The following PRMT2 variants were observed in gnomAD, a reference collection of about 807,000 sequenced individuals.
PRMT2 encodes the protein protein arginine N-methyltransferase 2.
Under a neutral mutation model 57.6 loss-of-function variants are expected in PRMT2, and 26 were observed. The observed-to-expected ratio is 0.45, with a 90% CI of 0.33 to 0.63. The LOEUF (loss-of-function observed/expected upper bound fraction) is 0.63, where lower values mean the gene tolerates loss of function less well. Among genes scored for constraint, PRMT2 ranks in the 20% least tolerant of loss-of-function variants. The pLI is 0.02. For synonymous variants in PRMT2, 219 were observed against 220.0 expected, an observed-to-expected ratio of 1.00 and a Z score of 0.04; for missense variants, 472 against 564.4, an observed-to-expected ratio of 0.84 and a Z score of 1.66.
At chr21:46,659,640 TA>T in intron 8 of PRMT2, 1 of 984,496 alleles carries the variant, frequency 1.0e-6, no homozygotes, top group South Asian at 4.7e-5. Context: ...TAAATTAAAA[TA>T]GTAGCCCAGG....
rs927488543 is a variant in PRMT2 at position 46,664,836 on chromosome 21, G to A, written c.*509G>A. 1.1e-5 allele frequency: 2 copies of A among 175,326 alleles called. No individual in the cohort carries two copies. Among genetic ancestry groups the A allele is most frequent in the African/African-American group, 4.6e-5 (2 of 43,024 alleles). 10.9% of individuals were successfully genotyped at this position (175,326 alleles called of 1,614,324 possible). A position where few individuals can be genotyped will look rare whatever the true frequency, so the allele number is the denominator to read the frequency against. ...GGCTCAGCGTGCGAGCTAAGGTGGT[G>A]ATGTATGCGATGGGACTCTGCATGG... On this transcript the variant is annotated 3_prime_UTR_variant, in exon 12 of 12. Transcript: ENST00000355680.
chr21:46,662,099 G>T (rs1021129382), intron 10 of PRMT2, among the ~76,000 whole-genome samples, 163 bp downstream of exon 10: 7 of 151,408 alleles, frequency 4.6e-5, no homozygotes, highest in African/African-American at 9.7e-5. Context: ...CGCGCATGGG[G>T]GCACGGGTGG....
chr21:46,660,653 C>T (rs537775715), intron 8 of PRMT2, among the ~76,000 whole-genome samples, 180 bp from the exon 9 acceptor site: 14 of 152,110 alleles, frequency 9.2e-5, no homozygotes, highest in Admixed American at 2.6e-4. Context: ...CTTCTCAGAG[C>T]GGGAGGCACC....
rs1432827065 is a variant in PRMT2, at chr21:46,648,344, A to G, written c.328-114A>G. ...ATGTCCAGGCCTTCCATAGTCTTCCATAGGGGTGTTGGGGTCAGGGGTCAT... is the reference window on the plus strand; with the variant it reads ...ATGTCCAGGCCTTCCATAGTCTTCCGTAGGGGTGTTGGGGTCAGGGGTCAT... On this transcript the variant is annotated intron_variant, in intron 5 of 11. Transcript: ENST00000355680. The surrounding 1 kb of genome is among the most constrained non-coding windows in gnomAD (Gnocchi z 4.8). 6.4e-6 allele frequency: 7 copies of G among 1,101,938 alleles called. No individual in the cohort carries two copies. The highest frequency in any genetic ancestry group is 9.2e-6 in the Non-Finnish European group (7 of 762,218). The allele number at this position is 1,101,938 out of a possible 1,614,324, so 68.3% of individuals were successfully genotyped here. A position where few individuals can be genotyped will look rare whatever the true frequency, so the allele number is the denominator to read the frequency against.
chr21:46,651,750 G>A, intron 7 of PRMT2: 1 of 1,584,812 alleles, frequency 6.3e-7, no homozygotes, highest in Non-Finnish European at 8.6e-7. Flanking sequence ...GGGAGGGAGG[G>A]TATGAATCTG....
At chr21:46,653,835 G>A (rs2061498992) in intron 7 of PRMT2, 1 of 1,039,292 alleles carries the variant, frequency 9.6e-7, no homozygotes, top group South Asian at 3.2e-5. Flanking sequence ...ACCGCTTATG[G>A]CTACACTTAG....
chr21:46,637,031 A>T lies in PRMT2; in HGVS notation c.39+41A>T, dbSNP rs780065805. 6.2e-6 allele frequency: 10 copies of T among 1,603,224 alleles called. No homozygotes were observed. In the East Asian group the frequency reaches 2.2e-4, roughly 36 times the overall value. Reference sequence around the variant, plus strand: ...CTTCCTAAAAATCTGTGTTTAATGAATGTGAGCATTACAGAGAGCTAAGCG... The same window carrying T: ...CTTCCTAAAAATCTGTGTTTAATGATTGTGAGCATTACAGAGAGCTAAGCG... On this transcript the variant is annotated intron_variant, in intron 3 of 11. Coordinates refer to ENST00000355680, the MANE Select transcript of PRMT2 (RefSeq NM_206962.4).
rs1217012409 is a variant in PRMT2, at chr21:46,649,268, C to T, written c.490-307C>T. Among the ~76,000 whole-genome samples, 1 of 152,196 alleles carries T rather than the reference C, an allele frequency of 6.6e-6. No homozygotes were observed. The highest frequency in any genetic ancestry group is 1.9e-4 in the East Asian group (1 of 5,188). Reference sequence around the variant, plus strand: ...ACTTGGGTGCTAAGAAGTTGCTGTGCTGGTCATGGATTAAGATTGCTGTGC... The same window carrying T: ...ACTTGGGTGCTAAGAAGTTGCTGTGTTGGTCATGGATTAAGATTGCTGTGC... On this transcript the variant is annotated intron_variant, in intron 6 of 11. Coordinates refer to ENST00000355680, the MANE Select transcript of PRMT2 (RefSeq NM_206962.4). This position sits in a 1 kb window ranked among gnomAD's most constrained non-coding sequence, Gnocchi z 4.8.
intron 7 of PRMT2, among the ~76,000 whole-genome samples, chr21:46,656,081 A>G (rs1365008315): frequency 6.6e-6 from 1 of 152,070 alleles, no homozygotes; most frequent in Non-Finnish European, 1.5e-5. Context: ...TGGATCCCTC[A>G]TGAATAGATG....
intron 3 of PRMT2, among the ~76,000 whole-genome samples, chr21:46,639,627 C>CT (rs964835819): frequency 1.4e-5 from 2 of 138,124 alleles, no homozygotes; most frequent in African/African-American, 2.7e-5. Context: ...TTGCGTGTAC[C>CT]TTTTTTTTAA....
chr21:46,652,656 C>G (rs978717195), intron 7 of PRMT2: 49 of 985,162 alleles, frequency 5.0e-5, no homozygotes, highest in Non-Finnish European at 4.7e-5. Flanking sequence ...ATTGGTAAAG[C>G]CTTTTGAAGG....
chr21:46,658,501 C>T (rs1452135443), intron 7 of PRMT2: 1 of 534,312 alleles, frequency 1.9e-6, no homozygotes, highest in Non-Finnish European at 3.1e-6. Context: ...TAGCTCTGCT[C>T]CAGTTCATAG....
At chr21:46,646,538 A>G (rs2061367857) in intron 5 of PRMT2, among the ~76,000 whole-genome samples, 1 of 152,202 alleles carries the variant, frequency 6.6e-6, no homozygotes, top group Non-Finnish European at 1.5e-5. Context: ...AAGATCTCTC[A>G]TATTGGCACC....
chr21:46,661,221 G>T, intron 9 of PRMT2: 3 of 279,702 alleles, frequency 1.1e-5, no homozygotes, highest in Non-Finnish European at 2.0e-5. Flanking sequence ...TTAGATTTAT[G>T]TTTAATATTC....
intron 7 of PRMT2, among the ~76,000 whole-genome samples, chr21:46,656,064 A>C (rs117530130): frequency 6.6e-6 from 1 of 152,048 alleles, no homozygotes; most frequent in Non-Finnish European, 1.5e-5. Context: ...TGTTTGGGTC[A>C]TGGGTGTGGA....
intron 7 of PRMT2, chr21:46,652,962 G>A: frequency 2.4e-6 from 3 of 1,253,368 alleles, no homozygotes; most frequent in African/African-American, 1.6e-5. Flanking sequence ...CTGCCTCCTG[G>A]ACCTTTCAGG....
At chr21:46,640,855 T>A (rs1360939151) in intron 3 of PRMT2, among the ~76,000 whole-genome samples, 3 of 150,086 alleles carry the variant, frequency 2.0e-5, no homozygotes, top group African/African-American at 4.9e-5. Flanking sequence ...TCTATTCTTA[T>A]TTTTTTTTTC....
chr21:46,644,590 A>G (rs929281156), intron 5 of PRMT2, 102 bp downstream of exon 5: 1 of 1,223,306 alleles, frequency 8.2e-7, no homozygotes, highest in Admixed American at 2.8e-5. Flanking sequence ...CTTACAGGCC[A>G]GAGCTCCTCT....
Position 46,659,962 on chromosome 21 carries a change from A to C in PRMT2, c.831-871A>C, listed in dbSNP as rs1229249682. The C allele has an allele frequency of 3.0e-6, 3 of 983,974 alleles. No homozygotes were observed. In the African/African-American group the frequency reaches 5.2e-5, roughly 17 times the overall value. The allele number at this position is 983,974 out of a possible 1,614,324, so 61.0% of individuals were successfully genotyped here. On this transcript the variant is annotated intron_variant, in intron 8 of 11. Transcript: ENST00000355680. The stretch of plus-strand genomic sequence containing the variant: ...GATGTTTGCTTGCATAAATAAATTT[A>C]TATAAATATGTCTGGGGGATAAAAA...
Sources: gnomAD v4.1 joint callset for allele counts (sites outside exome capture counted in the v4.1 genomes callset) on GRCh38, gnomAD v4.1.1 for gene constraint, Gnocchi (gnomAD v3.1) non-coding constraint, MANE v1.5 for transcripts, NCBI Gene and HGNC (gene_info 2026-07-23, HGNC 2026-07-21) for gene names.